MAPK4: variants seen among roughly 807,000 people sequenced by gnomAD.
MAPK4 encodes mitogen-activated protein kinase 4.
In MAPK4, 22 loss-of-function variants were observed where a neutral mutation model predicts 47.7. The ratio of observed to expected loss-of-function variants is 0.46; its 90% CI spans 0.33 to 0.66. MAPK4 has a LOEUF of 0.66. Ranked by LOEUF, MAPK4 falls within the 30% of genes least tolerant of loss-of-function variation. MAPK4 has a pLI of 0.02. For synonymous variants in MAPK4, 390 were observed against 365.7 expected (o/e 1.07, Z -0.76); for missense variants, 736 against 831.7 (o/e 0.88, Z 1.42).
chr18:50,597,609 C>T (rs1221334833), intron 1 of MAPK4, among the ~76,000 whole-genome samples: 1 of 152,152 alleles, frequency 6.6e-6, no homozygotes, highest in Non-Finnish European at 1.5e-5. Context: ...TTGGTGGCTA[C>T]CCTTGAGTTG....
At chr18:50,684,969 CCTT>C (rs1232977730) in intron 2 of MAPK4, among the ~76,000 whole-genome samples, 1 of 152,190 alleles carries the variant, frequency 6.6e-6, no homozygotes, top group African/African-American at 2.4e-5. Context: ...TCCTCCATCT[CCTT>C]CTCTTCTCAC....
intron 2 of MAPK4, among the ~76,000 whole-genome samples, chr18:50,685,995 C>G (rs571533684): frequency 6.6e-6 from 1 of 151,930 alleles, no homozygotes; most frequent in South Asian, 2.1e-4. Flanking sequence ...CAGGTAAGGA[C>G]ATAGAAATCA....
chr18:50,565,601 C>T (rs562559103), intron 1 of MAPK4, among the ~76,000 whole-genome samples: 1 of 152,326 alleles, frequency 6.6e-6, no homozygotes, highest in East Asian at 1.9e-4. Flanking sequence ...TTGTGTGCTA[C>T]ATAATGACAT....
intron 2 of MAPK4, among the ~76,000 whole-genome samples, chr18:50,672,846 A>G (rs1908034277): frequency 6.6e-6 from 1 of 152,200 alleles, no homozygotes; most frequent in East Asian, 1.9e-4. Flanking sequence ...GTCAGCTTGC[A>G]GTATTTCATT....
At chr18:50,566,152 A>G (rs372672543) in intron 1 of MAPK4, among the ~76,000 whole-genome samples, 10 of 152,346 alleles carry the variant, frequency 6.6e-5, no homozygotes, top group African/African-American at 2.2e-4. Context: ...CAAAAATTAA[A>G]AATAAGAAAT....
At chr18:50,700,633 C>T (rs1479697176) in intron 2 of MAPK4, among the ~76,000 whole-genome samples, 1 of 152,188 alleles carries the variant, frequency 6.6e-6, no homozygotes, top group Non-Finnish European at 1.5e-5. Flanking sequence ...GAGCCCATAC[C>T]CACCTCCTGT....
rs895465186 is a variant in MAPK4 at position 50,664,371 on chromosome 18, A to G, written c.413A>G (p.Lys138Arg). ...ATGTACCAGCTGCTCCGCGGGCTCA[A>G]GTACATCCACTCCGCCAACGTGCTG... ...LFMYQLLRGL[K>R]YIHSANVLHR... The change falls in exon 2 of 6, where the codon AAG (lysine) becomes AGG (arginine). Residue 138 changes from lysine to arginine, a missense_variant. By Grantham distance (26) the Lys-to-Arg change is conservative. This residue lies in a region of MAPK4 where 327 missense variants were observed against 395.4 expected (regional missense o/e 0.83). Coordinates refer to ENST00000400384, the MANE Select transcript of MAPK4 (RefSeq NM_002747.4). This position sits in a 1 kb window ranked among gnomAD's most constrained non-coding sequence, Gnocchi z 6.0. 6.2e-7 allele frequency: 1 copy of G among 1,614,018 alleles called. No homozygotes were observed. The highest frequency in any genetic ancestry group is 8.5e-7 in the Non-Finnish European group (1 of 1,180,026).
intron 1 of MAPK4, among the ~76,000 whole-genome samples, chr18:50,600,085 G>A (rs2042521498): frequency 6.6e-6 from 1 of 152,170 alleles, no homozygotes; most frequent in Non-Finnish European, 1.5e-5. Flanking sequence ...AGAAGCCACT[G>A]TATTTGATAT....
chr18:50,626,108 A>G (rs1440313838), intron 1 of MAPK4, among the ~76,000 whole-genome samples: 3 of 152,140 alleles, frequency 2.0e-5, no homozygotes, highest in Non-Finnish European at 2.9e-5. Context: ...CATTTGTTCT[A>G]TTAAGGCCTT....
At chr18:50,590,803 A>G (rs568423859) in intron 1 of MAPK4, among the ~76,000 whole-genome samples, 4 of 152,238 alleles carry the variant, frequency 2.6e-5, no homozygotes, top group South Asian at 2.1e-4. Context: ...CATAATTACT[A>G]TGTCCCTTTT....
chr18:50,588,333 T>A (rs1312003346), intron 1 of MAPK4, among the ~76,000 whole-genome samples: 1 of 152,140 alleles, frequency 6.6e-6, no homozygotes, highest in African/African-American at 2.4e-5. Flanking sequence ...GTAACCTCTC[T>A]CTGTGTCTAG....
intron 1 of MAPK4, among the ~76,000 whole-genome samples, chr18:50,606,612 G>C (rs1444943424): frequency 2.0e-5 from 3 of 152,162 alleles, no homozygotes; most frequent in Admixed American, 2.0e-4. Flanking sequence ...GTGTGACTGT[G>C]TGACCTACCT....
intron 2 of MAPK4, among the ~76,000 whole-genome samples, chr18:50,710,417 A>G (rs1910286738): frequency 6.6e-6 from 1 of 152,096 alleles, no homozygotes; most frequent in Non-Finnish European, 1.5e-5. Flanking sequence ...CGGGAGGCGG[A>G]GGTTGCAGAG....
At chr18:50,592,918 A>C (rs927331282) in intron 1 of MAPK4, among the ~76,000 whole-genome samples, 5 of 152,132 alleles carry the variant, frequency 3.3e-5, no homozygotes, top group Admixed American at 1.3e-4. Context: ...TGAATTCTAA[A>C]CTCTTTACCT....
At chr18:50,660,932 G>T (rs1466268339) in intron 1 of MAPK4, among the ~76,000 whole-genome samples, 1 of 152,092 alleles carries the variant, frequency 6.6e-6, no homozygotes, top group African/African-American at 2.4e-5. Flanking sequence ...CACACACACG[G>T]GATACAGTCC....
At chr18:50,665,907 C>G (rs759577712) in intron 2 of MAPK4, among the ~76,000 whole-genome samples, 3 of 152,242 alleles carry the variant, frequency 2.0e-5, no homozygotes, top group Admixed American at 1.3e-4. Flanking sequence ...GCCCTTGTAT[C>G]TCTTTCTAAT....
At chr18:50,670,899 A>C (rs1301524904) in intron 2 of MAPK4, among the ~76,000 whole-genome samples, 3 of 152,192 alleles carry the variant, frequency 2.0e-5, no homozygotes, top group African/African-American at 7.2e-5. Context: ...GGTGAGGCCC[A>C]GCAATCTGTG....
chr18:50,571,153 G>C (rs573700310), intron 1 of MAPK4, among the ~76,000 whole-genome samples: 2 of 152,092 alleles, frequency 1.3e-5, no homozygotes, highest in Non-Finnish European at 2.9e-5. Flanking sequence ...ACTTTCTGGA[G>C]ACCACCGTAT....
chr18:50,609,056 C>T (rs1026273746), intron 1 of MAPK4, among the ~76,000 whole-genome samples: 1 of 152,284 alleles, frequency 6.6e-6, no homozygotes, highest in Admixed American at 6.5e-5. Context: ...TATAGATTAA[C>T]AGCATCCCAA....
Sources: gnomAD v4.1 joint callset for allele counts (sites outside exome capture counted in the v4.1 genomes callset) on GRCh38, gnomAD v4.1.1 for gene constraint, gnomAD v4.1.1 regional missense constraint, Gnocchi (gnomAD v3.1) non-coding constraint, MANE v1.5 for transcripts, NCBI Gene and HGNC (gene_info 2026-07-23, HGNC 2026-07-21) for gene names.